FAM13A: variants seen among roughly 807,000 people sequenced by gnomAD.
FAM13A encodes family with sequence similarity 13 member A, also known as protein FAM13A.
FAM13A carries 76 observed loss-of-function variants against 129.6 expected under a neutral mutation model. The ratio of observed to expected loss-of-function variants is 0.59; its 90% CI spans 0.49 to 0.71. The LOEUF (loss-of-function observed/expected upper bound fraction) is 0.71. Ranked by LOEUF, FAM13A falls within the 30% of genes least tolerant of loss-of-function variation. The pLI, the probability that FAM13A is intolerant of heterozygous loss-of-function variation, is 0.00. For missense variants in FAM13A, 1,108 were observed against 1,249.3 expected (o/e 0.89, Z 1.70); for synonymous variants, 443 against 449.9 (o/e 0.98, Z 0.20).
chr4:88,973,570 A>G (rs1189958412), intron 4 of FAM13A, among the ~76,000 whole-genome samples: 1 of 127,342 alleles, frequency 7.9e-6, no homozygotes, highest in East Asian at 2.2e-4. Flanking sequence ...TACTTTATCC[A>G]TTAGGGCCCT....
In FAM13A at chr4:89,056,999, C is replaced by G; in HGVS notation, c.-35G>C. The G allele has an allele frequency of 6.2e-7, 1 of 1,611,112 alleles. No individual in the cohort carries two copies. The highest frequency in any genetic ancestry group is 8.5e-7 in the Non-Finnish European group (1 of 1,179,186). On this transcript the variant is annotated 5_prime_UTR_variant, in exon 1 of 24. Transcript: ENST00000264344. ...AAGCGTCTGGAAGAACTGAGGAAGA[C>G]CAGACGAAAATATTAAAACGACAGC...
intron 6 of FAM13A, among the ~76,000 whole-genome samples, chr4:88,904,489 C>T (rs944196524): frequency 6.6e-6 from 1 of 152,080 alleles, no homozygotes; most frequent in Non-Finnish European, 1.5e-5. Context: ...AGCTGGAAAC[C>T]GTTATTCTCA....
At chr4:88,919,930 A>C (rs977373129) in intron 5 of FAM13A, among the ~76,000 whole-genome samples, 4 of 152,218 alleles carry the variant, frequency 2.6e-5, no homozygotes, top group Admixed American at 6.5e-5. Context: ...CTACGCCCAC[A>C]GAGTCTCGCT....
chr4:89,050,428 A>G (rs774651264), intron 1 of FAM13A, among the ~76,000 whole-genome samples: 2 of 149,986 alleles, frequency 1.3e-5, no homozygotes, highest in Non-Finnish European at 3.0e-5. Flanking sequence ...TTGGTCTTGA[A>G]CTCCTGGCCT....
rs1273308977 is a variant in FAM13A, at chr4:88,927,366, T to A, written c.759+10722A>T. 2.0e-5 allele frequency among the ~76,000 whole-genome samples: 3 copies of A among 151,714 alleles called. No homozygotes were observed. In the East Asian group the frequency reaches 5.8e-4, roughly 29 times the overall value. ...TTTTTTGGTGGAGCCTTTAGGGATTTCTAGATATAAGATTGTATAATCAAT... is the reference window on the plus strand; with the variant it reads ...TTTTTTGGTGGAGCCTTTAGGGATTACTAGATATAAGATTGTATAATCAAT... On this transcript the variant is annotated intron_variant, in intron 5 of 23. Transcript: ENST00000264344.
At chr4:88,735,856 G>GA (rs1738876648) in intron 21 of FAM13A, among the ~76,000 whole-genome samples, 2 of 151,844 alleles carry the variant, frequency 1.3e-5, no homozygotes, top group Non-Finnish European at 2.9e-5. Context: ...ATATACTTGT[G>GA]AAAAAAAATT....
At chr4:88,861,725 C>T (rs772350929) in intron 6 of FAM13A, among the ~76,000 whole-genome samples, 3 of 152,190 alleles carry the variant, frequency 2.0e-5, no homozygotes, top group Non-Finnish European at 2.9e-5. Context: ...GGACTCCTAC[C>T]TCTAGTAATA....
intron 4 of FAM13A, among the ~76,000 whole-genome samples, chr4:88,971,453 A>C (rs6852947): frequency 0.69 from 105,383 of 152,074 alleles, 36,635 homozygotes; most frequent in Middle Eastern, 0.8. Context: ...AACTGTTCTG[A>C]AAGACTGGGA....
Position 88,972,005 on chromosome 4 carries a change from T to C in FAM13A, c.605+18968A>G, listed in dbSNP as rs114975075. On this transcript the variant is annotated intron_variant, in intron 4 of 23. Coordinates refer to ENST00000264344, the MANE Select transcript of FAM13A (RefSeq NM_014883.4). ...ATTTCTTTGCTGCTTGTATCATTTG[T>C]GTCATTCATGTCATTTATACGTGAG... Among the ~76,000 whole-genome samples the C allele has an allele frequency of 6.4e-3, 979 of 152,322 alleles. 14 individuals carry two copies. Among genetic ancestry groups the C allele is most frequent in the African/African-American group, 0.023 (936 of 41,570 alleles).
chr4:88,815,424 T>C (rs76758656), intron 7 of FAM13A, among the ~76,000 whole-genome samples: 2 of 152,214 alleles, frequency 1.3e-5, no homozygotes, highest in African/African-American at 4.8e-5. Context: ...AGGGTTATAA[T>C]GTACTATACT....
chr4:88,964,234 C>T (rs886323809), intron 4 of FAM13A, among the ~76,000 whole-genome samples: 6 of 152,176 alleles, frequency 3.9e-5, no homozygotes, highest in African/African-American at 1.4e-4. Context: ...TTACCAAACA[C>T]TTATTGCTTT....
chr4:88,764,705 T>C (rs1232954240), intron 13 of FAM13A, among the ~76,000 whole-genome samples: 2 of 152,200 alleles, frequency 1.3e-5, no homozygotes, highest in African/African-American at 4.8e-5. Flanking sequence ...CTCTTCCTTA[T>C]GTTATCTCAT....
intron 8 of FAM13A, among the ~76,000 whole-genome samples, chr4:88,795,902 A>G (rs768035020): frequency 6.6e-6 from 1 of 151,770 alleles, no homozygotes; most frequent in Non-Finnish European, 1.5e-5. Context: ...CCTTACAGTA[A>G]ACTTCAGTTA....
At chr4:88,981,474 T>C (rs1274433516) in intron 4 of FAM13A, among the ~76,000 whole-genome samples, 1 of 152,226 alleles carries the variant, frequency 6.6e-6, no homozygotes, top group Non-Finnish European at 1.5e-5. Flanking sequence ...TATCCTTAAA[T>C]ATTCTTAAAG....
At chr4:88,927,496 T>C (rs201865846) in intron 5 of FAM13A, among the ~76,000 whole-genome samples, 6 of 147,806 alleles carry the variant, frequency 4.1e-5, no homozygotes, top group Non-Finnish European at 6.0e-5. Flanking sequence ...GTTTTTTTTT[T>C]CTCTTGGTAG....
At chr4:88,769,615 C>T (rs766593543) in intron 11 of FAM13A, among the ~76,000 whole-genome samples, 74 of 152,164 alleles carry the variant, frequency 4.9e-4, no homozygotes, top group Middle Eastern at 3.4e-3. Flanking sequence ...GGGCAGATCA[C>T]GAGGTCAAGA....
chr4:88,950,423 C>A (rs1213400491), intron 4 of FAM13A, among the ~76,000 whole-genome samples: 2 of 151,876 alleles, frequency 1.3e-5, no homozygotes, highest in African/African-American at 2.4e-5. Context: ...TGCCACCATG[C>A]CCAGCTAAAA....
intron 4 of FAM13A, among the ~76,000 whole-genome samples, chr4:88,972,887 C>A (rs538318398): frequency 2.6e-5 from 4 of 151,996 alleles, no homozygotes; most frequent in African/African-American, 9.7e-5. Flanking sequence ...GGATTACAGG[C>A]GTGAGCCACC....
At chr4:88,927,595 T>A (rs1321706850) in intron 5 of FAM13A, among the ~76,000 whole-genome samples, 1 of 152,022 alleles carries the variant, frequency 6.6e-6, no homozygotes, top group South Asian at 2.1e-4. Flanking sequence ...CAGAAAGTTG[T>A]ATGTTTCTAG....
Sources: allele counts gnomAD v4.1 joint callset (sites outside exome capture counted in the v4.1 genomes callset), GRCh38; gene constraint gnomAD v4.1.1; transcripts MANE v1.5; gene names NCBI Gene and HGNC (gene_info 2026-07-23, HGNC 2026-07-21).